Variants in OSBPL10 observed in about 807,000 individuals in gnomAD.
OSBPL10 encodes oxysterol-binding protein-related protein 10.
Under a neutral mutation model 81.7 loss-of-function variants are expected in OSBPL10, and 49 were observed. The ratio of observed to expected loss-of-function variants is 0.60; its 90% CI spans 0.48 to 0.76. The LOEUF is 0.76. OSBPL10 is among the 30% of genes least tolerant of loss of function. OSBPL10 has a pLI of 0.00. For synonymous variants in OSBPL10, 419 were observed against 383.6 expected, an observed-to-expected ratio of 1.09 and a Z score of -1.08; for missense variants, 923 against 987.8, an observed-to-expected ratio of 0.93 and a Z score of 0.88.
intron 3 of OSBPL10, among the ~76,000 whole-genome samples, chr3:31,833,737 A>ACACACACACACACACACACT (rs1491340793): frequency 7.2e-6 from 1 of 139,856 alleles, no homozygotes; most frequent in Admixed American, 7.4e-5. Context: ...ACACACACAC[A>ACACACACACACACACACACT]CTCTCTCTCT....
rs147486182 is a variant in OSBPL10 at position 31,914,114 on chromosome 3, T to C, written c.282-34284A>G. Among the ~76,000 whole-genome samples the C allele has an allele frequency of 0.017, 2,568 of 151,978 alleles. 183 individuals are homozygous for C. The East Asian group carries it at 0.24, about 14-fold the overall frequency. ...TTTTGTATTTTTAGTAGAGACAGGG[T>C]TTCTCCATGTTAGCCAGGCTGGTCT... On this transcript the variant is annotated intron_variant, in intron 1 of 11. Transcript: ENST00000396556.
intron 5 of OSBPL10, among the ~76,000 whole-genome samples, chr3:31,738,311 T>C (rs936581341): frequency 1.3e-5 from 2 of 151,972 alleles, no homozygotes; most frequent in Non-Finnish European, 2.9e-5. Flanking sequence ...TTATGAAGTT[T>C]GGCAACATTT....
chr3:31,870,181 G>GGTGGGC, intron 3 of OSBPL10, among the ~76,000 whole-genome samples: 1 of 152,372 alleles, frequency 6.6e-6, no homozygotes, highest in Non-Finnish European at 1.5e-5. Context: ...TGGAGTTCCA[G>GGTGGGC]GTGGGCGTGG....
intron 1 of OSBPL10, among the ~76,000 whole-genome samples, chr3:31,965,712 A>AAT (rs1371008336): frequency 1.6e-5 from 1 of 62,364 alleles, no homozygotes; most frequent in African/African-American, 8.9e-5. Context: ...TATTATATAA[A>AAT]ATATATAATA....
intron 3 of OSBPL10, among the ~76,000 whole-genome samples, chr3:31,844,891 T>C (rs376203055): frequency 9.2e-5 from 14 of 152,090 alleles, no homozygotes; most frequent in African/African-American, 3.1e-4. Context: ...CTGGGCAACA[T>C]AGCAAGACCC....
intron 1 of OSBPL10, among the ~76,000 whole-genome samples, chr3:31,950,274 G>A (rs1002785727): frequency 1.3e-5 from 2 of 152,078 alleles, no homozygotes; most frequent in African/African-American, 2.4e-5. Flanking sequence ...ATGCAAAAAA[G>A]ACAACCTAAT....
At chr3:31,730,338 A>T (rs1040818482) in intron 6 of OSBPL10, among the ~76,000 whole-genome samples, 1 of 151,490 alleles carries the variant, frequency 6.6e-6, no homozygotes, top group Non-Finnish European at 1.5e-5. Context: ...AGCAAAAAAA[A>T]AATCTCCAAA....
At chr3:31,728,863 G>C (rs1270781240) in intron 6 of OSBPL10, among the ~76,000 whole-genome samples, 1 of 152,086 alleles carries the variant, frequency 6.6e-6, no homozygotes, top group African/African-American at 2.4e-5. Context: ...GAATTTTTTT[G>C]GAAGTTGGAA....
At chr3:32,010,343 A>C (rs1699242110) in intron 2 of OSBPL10, among the ~76,000 whole-genome samples, 1 of 152,166 alleles carries the variant, frequency 6.6e-6, no homozygotes, top group Non-Finnish European at 1.5e-5. Flanking sequence ...CTCTCAGTCT[A>C]CAGTATTTTT....
At position 31,889,175 on chromosome 3, in the gene OSBPL10, A is replaced by C. The variant is rs115363297; in HGVS notation, c.282-9345T>G. Among the ~76,000 whole-genome samples the C allele has an allele frequency of 7.2e-3, 1,091 of 152,302 alleles. 14 individuals are homozygous for C. The highest frequency in any genetic ancestry group is 0.025 in the African/African-American group (1,046 of 41,554). Reference sequence around the variant, plus strand: ...ACAAATGCTGGTGAAGATACAAAGAAAAGGGAACTCTTATACACTATTGGT... The same window carrying C: ...ACAAATGCTGGTGAAGATACAAAGACAAGGGAACTCTTATACACTATTGGT... On this transcript the variant is annotated intron_variant, in intron 1 of 11. Transcript: ENST00000396556.
intron 6 of OSBPL10, among the ~76,000 whole-genome samples, chr3:31,726,303 CTTT>C (rs1696806283): frequency 6.7e-6 from 1 of 148,690 alleles, no homozygotes; most frequent in Admixed American, 6.6e-5. Context: ...CAAAAAGTGT[CTTT>C]TTAATTTTTT....
At chr3:31,731,987 A>G (rs997456069) in intron 6 of OSBPL10, among the ~76,000 whole-genome samples, 1 of 152,232 alleles carries the variant, frequency 6.6e-6, no homozygotes, top group African/African-American at 2.4e-5. Flanking sequence ...AGCATGAGCC[A>G]TAATAAGTAA....
chr3:31,713,662 G>GC (rs1696340293), intron 6 of OSBPL10, among the ~76,000 whole-genome samples: 3 of 152,084 alleles, frequency 2.0e-5, no homozygotes, highest in Non-Finnish European at 4.4e-5. Context: ...CTCCCAAAGT[G>GC]CTGGGATTAC....
intron 2 of OSBPL10, among the ~76,000 whole-genome samples, chr3:32,021,583 A>G (rs566538840): frequency 6.6e-5 from 10 of 152,342 alleles, no homozygotes; most frequent in African/African-American, 2.4e-4. Context: ...CTAGTGATTA[A>G]TGATGTTGAA....
intron 6 of OSBPL10, among the ~76,000 whole-genome samples, chr3:31,726,403 G>A (rs886897652): frequency 4.6e-5 from 7 of 151,736 alleles, no homozygotes; most frequent in Admixed American, 2.6e-4. Flanking sequence ...TGCAACCTCC[G>A]CCTCCCAGGT....
intron 1 of OSBPL10, among the ~76,000 whole-genome samples, chr3:31,974,575 A>G (rs1698643687): frequency 6.6e-6 from 1 of 152,220 alleles, no homozygotes; most frequent in Non-Finnish European, 1.5e-5. Flanking sequence ...ACAGACCACA[A>G]CTATACACAG....
At chr3:31,834,453 G>T (rs1299165993) in intron 3 of OSBPL10, among the ~76,000 whole-genome samples, 1 of 152,138 alleles carries the variant, frequency 6.6e-6, no homozygotes, top group Non-Finnish European at 1.5e-5. Flanking sequence ...TGATGATGCG[G>T]GACAGCAAAA....
chr3:31,799,379 T>TA (rs61157535), intron 4 of OSBPL10, among the ~76,000 whole-genome samples: 2,269 of 56,240 alleles, frequency 0.04, 210 homozygotes, highest in African/African-American at 0.081. Flanking sequence ...CCTATCTCTT[T>TA]AAAAAAAAAA....
At chr3:31,829,932 C>T (rs575420376) in intron 4 of OSBPL10, 108 bp downstream of exon 4, 34 of 1,145,892 alleles carry the variant, frequency 3.0e-5, no homozygotes, top group Non-Finnish European at 3.9e-5. Flanking sequence ...TGCTGCTGGT[C>T]CTCTCTCCAT....
Sources: gnomAD v4.1 joint callset for allele counts (sites outside exome capture counted in the v4.1 genomes callset) on GRCh38, gnomAD v4.1.1 for gene constraint, MANE v1.5 for transcripts, NCBI Gene and HGNC (gene_info 2026-07-23, HGNC 2026-07-21) for gene names.